Variants in TMEM163 observed in about 807,000 individuals in gnomAD.
The protein encoded by TMEM163 is transmembrane protein 163.
In TMEM163, 17 loss-of-function variants were observed where a neutral mutation model predicts 29.3. That is an observed-to-expected ratio of 0.58 (90% CI 0.40 to 0.87). The LOEUF (loss-of-function observed/expected upper bound fraction) is 0.87, where lower values mean the gene tolerates loss of function less well. Among genes scored for constraint, TMEM163 ranks in the 40% least tolerant of loss-of-function variants. The pLI is 0.00. For missense variants in TMEM163, 303 were observed against 381.5 expected (o/e 0.79, Z 1.71); for synonymous variants, 157 against 160.6 (o/e 0.98, Z 0.17).
At chr2:134,578,723 T>C (rs1681618899) in intron 2 of TMEM163, among the ~76,000 whole-genome samples, 1 of 152,146 alleles carries the variant, frequency 6.6e-6, no homozygotes. Flanking sequence ...ATGTAAAATC[T>C]CATGGCCTAA....
intron 2 of TMEM163, among the ~76,000 whole-genome samples, chr2:134,603,561 C>T (rs142657232): frequency 6.6e-6 from 1 of 152,272 alleles, no homozygotes; most frequent in African/African-American, 2.4e-5. Flanking sequence ...TGCTGTCCCT[C>T]CCTGACAAAA....
chr2:134,551,945 GCTCTCATACA>G, intron 3 of TMEM163, 93 bp downstream of exon 3: 1 of 850,200 alleles, frequency 1.2e-6, no homozygotes, highest in Non-Finnish European at 1.9e-6. Context: ...CTCATGCTAA[GCTCTCATACA>G]CTAACCACCC....
At chr2:134,511,893 A>C (rs584175) in intron 4 of TMEM163, among the ~76,000 whole-genome samples, 30,257 of 152,172 alleles carry the variant, frequency 0.2, 3,355 homozygotes, top group South Asian at 0.4. Context: ...CTGCTTGTCT[A>C]TGCATGGAAT....
chr2:134,473,011 A>C (rs1042764821), intron 5 of TMEM163, among the ~76,000 whole-genome samples: 2 of 152,200 alleles, frequency 1.3e-5, no homozygotes, highest in African/African-American at 4.8e-5. Flanking sequence ...GTCACCAGGG[A>C]AATTACAATA....
intron 2 of TMEM163, among the ~76,000 whole-genome samples, chr2:134,564,380 T>C (rs1168612499): frequency 6.6e-6 from 1 of 152,144 alleles, no homozygotes; most frequent in Non-Finnish European, 1.5e-5. Context: ...TAGAGAAAAC[T>C]GTCGATGAGC....
chr2:134,716,662 A>G lies in TMEM163; in HGVS notation c.202+2072T>C, dbSNP rs73958808. Among the ~76,000 whole-genome samples, 406 of 152,342 alleles carry G rather than the reference A, an allele frequency of 2.7e-3. 2 individuals are homozygous for G. Among genetic ancestry groups the G allele is most frequent in the African/African-American group, 9.4e-3 (391 of 41,586 alleles). ...CTCCCCAATTCCTCTCACCAGCAGGAAAGAGGTAGCTGCACTCAACCCATT... is the reference window on the plus strand; with the variant it reads ...CTCCCCAATTCCTCTCACCAGCAGGGAAGAGGTAGCTGCACTCAACCCATT... On this transcript the variant is annotated intron_variant, in intron 1 of 7. Coordinates refer to ENST00000281924, the MANE Select transcript of TMEM163 (RefSeq NM_030923.5).
chr2:134,657,152 T>C (rs1410563815), intron 2 of TMEM163, among the ~76,000 whole-genome samples: 2 of 152,172 alleles, frequency 1.3e-5, no homozygotes, highest in Non-Finnish European at 2.9e-5. Context: ...TCGGAATACT[T>C]TTAGTTAGTA....
chr2:134,459,796 C>T (rs560214588), intron 6 of TMEM163, among the ~76,000 whole-genome samples: 94 of 152,050 alleles, frequency 6.2e-4, no homozygotes, highest in African/African-American at 1.9e-3. Context: ...CCTGCATCCC[C>T]ACCTGAGTGT....
chr2:134,471,948 C>G (rs34434133), intron 5 of TMEM163, among the ~76,000 whole-genome samples: 5,451 of 152,340 alleles, frequency 0.036, 159 homozygotes, highest in South Asian at 0.13. Flanking sequence ...GTGAAAACAG[C>G]AACAGCGATT....
chr2:134,676,438 T>C (rs753973929), intron 2 of TMEM163, among the ~76,000 whole-genome samples: 10 of 152,210 alleles, frequency 6.6e-5, no homozygotes, highest in Non-Finnish European at 1.5e-4. Context: ...CTGCATTGTT[T>C]AGTACTGCAG....
chr2:134,677,242 G>C (rs570761792), intron 2 of TMEM163, among the ~76,000 whole-genome samples: 4 of 152,320 alleles, frequency 2.6e-5, no homozygotes, highest in African/African-American at 9.6e-5. Context: ...AGAGCAGTGA[G>C]GCCCGCTGGC....
chr2:134,582,255 C>T (rs568723342), intron 2 of TMEM163, among the ~76,000 whole-genome samples: 1 of 152,298 alleles, frequency 6.6e-6, no homozygotes, highest in African/African-American at 2.4e-5. Context: ...CAACCCAAAT[C>T]CCCCAAAGAG....
chr2:134,684,171 A>T (rs1176269236), intron 2 of TMEM163, among the ~76,000 whole-genome samples: 1 of 152,178 alleles, frequency 6.6e-6, no homozygotes, highest in Non-Finnish European at 1.5e-5. Flanking sequence ...GAACAAACAA[A>T]CAGCTCTTGG....
chr2:134,540,834 A>C (rs1680647972), intron 4 of TMEM163, among the ~76,000 whole-genome samples: 1 of 152,226 alleles, frequency 6.6e-6, no homozygotes, highest in South Asian at 2.1e-4. Context: ...CAAACCTTAC[A>C]TAAAATGAAG....
chr2:134,459,587 C>A (rs957550658), intron 6 of TMEM163, among the ~76,000 whole-genome samples: 1 of 138,268 alleles, frequency 7.2e-6, no homozygotes, highest in African/African-American at 2.9e-5. Flanking sequence ...TTCACAAAAC[C>A]CGCAGAAGAG....
intron 2 of TMEM163, among the ~76,000 whole-genome samples, chr2:134,676,638 T>TGTCCTTGGAA: frequency 6.6e-6 from 1 of 152,334 alleles, no homozygotes; most frequent in South Asian, 2.1e-4. Context: ...ACATTCTTCT[T>TGTCCTTGGAA]GTCCTTGGAA....
At chr2:134,689,385 G>A (rs1031307128) in intron 2 of TMEM163, among the ~76,000 whole-genome samples, 1 of 152,208 alleles carries the variant, frequency 6.6e-6, no homozygotes, top group South Asian at 2.1e-4. Flanking sequence ...TGGGATTACA[G>A]GCATGAGCCA....
intron 2 of TMEM163, among the ~76,000 whole-genome samples, chr2:134,642,327 A>T (rs573005740): frequency 2.6e-5 from 4 of 152,206 alleles, no homozygotes; most frequent in African/African-American, 9.6e-5. Flanking sequence ...ATGGGATTTC[A>T]TCATGTCGGC....
At chr2:134,526,442 C>A (rs1427228673) in intron 4 of TMEM163, among the ~76,000 whole-genome samples, 1 of 152,168 alleles carries the variant, frequency 6.6e-6, no homozygotes, top group Non-Finnish European at 1.5e-5. Flanking sequence ...TATCCCTAGA[C>A]CCCCATAAAT....
Sources: allele counts gnomAD v4.1 joint callset (sites outside exome capture counted in the v4.1 genomes callset), GRCh38; gene constraint gnomAD v4.1.1; transcripts MANE v1.5; gene names NCBI Gene and HGNC (gene_info 2026-07-23, HGNC 2026-07-21).